The following GINS2 variants were observed in gnomAD, a reference collection of about 807,000 sequenced individuals.
The protein encoded by GINS2 is DNA replication complex GINS protein PSF2.
Under a neutral mutation model 21.2 loss-of-function variants are expected in GINS2, and 23 were observed. The observed-to-expected ratio is 1.08, with a 90% CI of 0.78 to 1.53. GINS2 has a LOEUF of 1.53. GINS2 is among the 40% of genes most tolerant of loss of function. The probability of loss-of-function intolerance (pLI) is 0.00; values close to 1 mark genes in which losing one functional copy is unlikely to be tolerated. For synonymous variants in GINS2, 118 were observed against 85.6 expected (o/e 1.38, Z -2.09); for missense variants, 323 against 233.9 (o/e 1.38, Z -2.49).
At chr16:85,688,092 A>G (rs1425425131) in intron 1 of GINS2, 1 of 152,700 alleles carries the variant, frequency 6.5e-6, no homozygotes, top group East Asian at 1.9e-4. Flanking sequence ...AGATCGCGCC[A>G]CTGCATTCCC....
intron 3 of GINS2, 26 bp from the exon 4 acceptor site, chr16:85,678,692 T>G (rs1376870080): frequency 6.2e-7 from 1 of 1,607,578 alleles, no homozygotes; most frequent in Admixed American, 1.7e-5. Context: ...CTAAAGTCAG[T>G]CGGGGAACAC....
At chr16:85,688,593 C>A (rs887679327) in intron 1 of GINS2, among the ~76,000 whole-genome samples, 2 of 152,198 alleles carry the variant, frequency 1.3e-5, no homozygotes, top group Non-Finnish European at 1.5e-5. Context: ...ATCAAAAAAA[C>A]CCTGTAAACC....
intron 1 of GINS2, 98 bp downstream of exon 1, chr16:85,688,711 G>A (rs1344092940): frequency 1.6e-5 from 9 of 559,388 alleles, no homozygotes; most frequent in Admixed American, 4.0e-5. Context: ...GCAGATGCGG[G>A]AGCAGGGCGA....
In GINS2 at chr16:85,684,097, T is replaced by G. The variant is rs142509744; in HGVS notation, c.206-2416A>C. Among the ~76,000 whole-genome samples the G allele has an allele frequency of 4.3e-3, 652 of 152,320 alleles. 2 individuals are homozygous for G. Among genetic ancestry groups the G allele is most frequent in the African/African-American group, 0.015 (632 of 41,562 alleles). On this transcript the variant is annotated intron_variant, in intron 2 of 4. Coordinates refer to ENST00000253462, the MANE Select transcript of GINS2 (RefSeq NM_016095.3). ...AGCCAGGCACAGTGGCTCACACTTG[T>G]AATCCCAGCACTTTGGGAGACCGAG... is the stretch of plus-strand genomic sequence containing the variant.
intron 2 of GINS2, among the ~76,000 whole-genome samples, 167 bp from the exon 3 acceptor site, chr16:85,681,848 G>C (rs558662607): frequency 2.0e-5 from 3 of 151,976 alleles, no homozygotes; most frequent in African/African-American, 7.3e-5. Flanking sequence ...GATGATTTGA[G>C]GCCTCCTCCT....
intron 2 of GINS2, among the ~76,000 whole-genome samples, chr16:85,681,935 T>C (rs993017230): frequency 1.3e-5 from 2 of 152,066 alleles, no homozygotes; most frequent in African/African-American, 4.8e-5. Context: ...AAAACAATGT[T>C]AGAGTCAAAA....
intron 2 of GINS2, 112 bp downstream of exon 2, chr16:85,687,348 G>A: frequency 1.7e-6 from 1 of 585,028 alleles, no homozygotes; most frequent in Non-Finnish European, 3.1e-6. Flanking sequence ...ACGGAACAGA[G>A]GGAGCACGGA....
At chr16:85,680,932 A>T (rs1398243109) in intron 3 of GINS2, among the ~76,000 whole-genome samples, 2 of 152,208 alleles carry the variant, frequency 1.3e-5, no homozygotes, top group Admixed American at 6.5e-5. Context: ...GACGAGAGGG[A>T]AGACAGGATT....
At chr16:85,688,466 A>C (rs2053798964) in intron 1 of GINS2, among the ~76,000 whole-genome samples, 1 of 152,128 alleles carries the variant, frequency 6.6e-6, no homozygotes, top group African/African-American at 2.4e-5. Flanking sequence ...GAATCGCTTG[A>C]ACCCGGGAGG....
In GINS2 at chr16:85,687,468, A is replaced by C. The variant is rs769595850; in HGVS notation, c.197T>G (p.Met66Arg). 2.6e-6 allele frequency: 4 copies of C among 1,540,100 alleles called. No individual in the cohort carries two copies. Among genetic ancestry groups the C allele is most frequent in the Non-Finnish European group, 3.5e-6 (4 of 1,143,494 alleles). ...CTCCACCACATCCTTACCTACATCC[A>C]TCCACTCTGGAGGGAGCAGGCGACA... ...QKCRLLPPEW[M>R]DVEKLEKMRD... is the part of the protein sequence containing the mutation. Residue 66 changes from methionine to arginine, a missense_variant, in exon 2 of 5, where the codon ATG (methionine) becomes AGG (arginine). Met to Arg is a moderately conservative substitution (Grantham distance 91, BLOSUM62 -1). Transcript: ENST00000253462.
intron 2 of GINS2, among the ~76,000 whole-genome samples, chr16:85,683,463 A>T (rs997470919): frequency 6.6e-6 from 1 of 152,170 alleles, no homozygotes; most frequent in East Asian, 1.9e-4. Flanking sequence ...CAGAAAGCAC[A>T]ACAGTTCAAA....
At chr16:85,687,090 G>A (rs1423571678) in intron 2 of GINS2, among the ~76,000 whole-genome samples, 3 of 152,190 alleles carry the variant, frequency 2.0e-5, no homozygotes, top group Admixed American at 6.5e-5. Context: ...GTGTGGTGGC[G>A]CACGCCAGTG....
intron 2 of GINS2, among the ~76,000 whole-genome samples, chr16:85,685,565 G>A (rs140210812): frequency 3.1e-4 from 47 of 151,308 alleles, no homozygotes; most frequent in African/African-American, 8.3e-4. Context: ...CAGCTACTCC[G>A]GAAGCTGAAG....
intron 1 of GINS2, chr16:85,688,143 C>G (rs1198611938): frequency 1.3e-5 from 2 of 152,154 alleles, no homozygotes; most frequent in Non-Finnish European, 1.5e-5. Context: ...AAGATAAAGA[C>G]AAAAACAAAC....
intron 4 of GINS2, 40 bp downstream of exon 4, chr16:85,678,500 G>A (rs554986873): frequency 3.2e-5 from 51 of 1,602,280 alleles, no homozygotes; most frequent in Non-Finnish European, 3.7e-5. Context: ...GAAATTATGC[G>A]GCATCAAGGC....
intron 3 of GINS2, among the ~76,000 whole-genome samples, chr16:85,680,882 C>T (rs754279724): frequency 2.0e-5 from 3 of 152,164 alleles, no homozygotes; most frequent in Non-Finnish European, 2.9e-5. Context: ...AGGAGGAGCA[C>T]GCACTAGGCT....
rs1285924858 is a variant in GINS2 at position 85,676,238 on chromosome 16, G to C, written c.*1974C>G. The C allele has an allele frequency of 6.6e-6, 1 of 152,468 alleles. No homozygotes were observed. Among genetic ancestry groups the C allele is most frequent in the Admixed American group, 6.5e-5 (1 of 15,280 alleles). The allele number at this position is 152,468 out of a possible 1,614,324, so 9.4% of individuals were successfully genotyped here. ...AATCTTTTTTATGATATAAAACAAA[G>C]CCAAACAAAGAAAAGCTCAATAACT... On this transcript the variant is annotated 3_prime_UTR_variant, in exon 5 of 5. Coordinates refer to ENST00000253462, the MANE Select transcript of GINS2 (RefSeq NM_016095.3).
intron 2 of GINS2, among the ~76,000 whole-genome samples, chr16:85,686,613 T>G (rs1232445629): frequency 6.6e-6 from 1 of 152,146 alleles, no homozygotes; most frequent in African/African-American, 2.4e-5. Flanking sequence ...AAGCAACTAC[T>G]AATCTACATT....
intron 2 of GINS2, among the ~76,000 whole-genome samples, chr16:85,686,851 A>C (rs142864014): frequency 6.6e-6 from 1 of 152,360 alleles, no homozygotes; most frequent in African/African-American, 2.4e-5. Flanking sequence ...CAACATGCTA[A>C]TCTATACTTA....
Sources: gnomAD v4.1 joint callset for allele counts (sites outside exome capture counted in the v4.1 genomes callset) on GRCh38, gnomAD v4.1.1 for gene constraint, MANE v1.5 for transcripts, NCBI Gene and HGNC (gene_info 2026-07-23, HGNC 2026-07-21) for gene names.